Variants in PRDM14 observed in about 807,000 individuals in gnomAD.
PRDM14 encodes the protein PR domain zinc finger protein 14.
PRDM14 carries 16 observed loss-of-function variants against 48.0 expected under a neutral mutation model. The observed-to-expected ratio is 0.33, with a 90% CI of 0.23 to 0.51. The LOEUF (loss-of-function observed/expected upper bound fraction) is 0.51, where lower values mean the gene tolerates loss of function less well. Ranked by LOEUF, PRDM14 falls within the 20% of genes least tolerant of loss-of-function variation. The probability of loss-of-function intolerance (pLI) is 0.97; values close to 1 mark genes in which losing one functional copy is unlikely to be tolerated. For synonymous variants in PRDM14, 264 were observed against 276.6 expected (o/e 0.95, Z 0.45); for missense variants, 566 against 719.6 (o/e 0.79, Z 2.44).
At chr8:70,066,916 G>C (rs1016785658) in intron 4 of PRDM14, among the ~76,000 whole-genome samples, 12 of 152,032 alleles carry the variant, frequency 7.9e-5, no homozygotes, top group Non-Finnish European at 2.9e-5. Context: ...ATTTTTTGTA[G>C]AGACAGGGCC....
At chr8:70,066,117 G>T (rs190549160) in intron 5 of PRDM14, 118 bp downstream of exon 5, 66 of 1,130,622 alleles carry the variant, frequency 5.8e-5, no homozygotes, top group Non-Finnish European at 8.3e-5. Flanking sequence ...AGACACTCTC[G>T]GTTAGTCCTC....
chr8:70,054,870 AGT>A (rs1805446903), intron 7 of PRDM14, among the ~76,000 whole-genome samples: 1 of 145,876 alleles, frequency 6.9e-6, no homozygotes, highest in African/African-American at 2.6e-5. Context: ...CCCAGGCTGG[AGT>A]GTGCAGTGGT....
At chr8:70,054,641 C>T (rs1184590080) in intron 7 of PRDM14, among the ~76,000 whole-genome samples, 1 of 148,806 alleles carries the variant, frequency 6.7e-6, no homozygotes. Flanking sequence ...GCCTCAGCCT[C>T]CCAAGTAGCT....
intron 5 of PRDM14, among the ~76,000 whole-genome samples, chr8:70,065,383 T>C (rs1163004106): frequency 1.3e-5 from 2 of 152,164 alleles, no homozygotes; most frequent in Admixed American, 6.6e-5. Flanking sequence ...TCAGTGTATA[T>C]AGAAATCACT....
chr8:70,055,309 A>G lies in PRDM14; in HGVS notation c.1479T>C (p.Tyr493=). 6.3e-7 allele frequency: 1 copy of G among 1,589,858 alleles called. No individual in the cohort carries two copies. The highest frequency in any genetic ancestry group is 8.6e-7 in the Non-Finnish European group (1 of 1,158,186). The change falls in exon 7 of 8, where the codon TAT becomes TAC. Residue 493 remains tyrosine, a synonymous_variant. Transcript: ENST00000276594. ...HSGDRPYQCV[Y]CTKRFTASSI... ...AAGAGGTTCCATTTACCTTAGTACAATACACACACTGGTATGGTCTGTCTC... is the reference window on the plus strand; with the variant it reads ...AAGAGGTTCCATTTACCTTAGTACAGTACACACACTGGTATGGTCTGTCTC...
chr8:70,056,125 C>A (rs968419388), intron 6 of PRDM14, among the ~76,000 whole-genome samples: 1 of 152,204 alleles, frequency 6.6e-6, no homozygotes, highest in Non-Finnish European at 1.5e-5. Context: ...TGTAAGCCAA[C>A]ATGGTAATGC....
rs1344977461 is a variant in PRDM14 at position 70,052,020 on chromosome 8, C to T, written c.*57G>A. 9.7e-6 allele frequency: 12 copies of T among 1,240,776 alleles called. No individual in the cohort carries two copies. The highest frequency in any genetic ancestry group is 6.9e-6 in the Non-Finnish European group (6 of 868,830). The allele number at this position is 1,240,776 out of a possible 1,614,324, so 76.9% of individuals were successfully genotyped here. On this transcript the variant is annotated 3_prime_UTR_variant, in exon 8 of 8. Coordinates refer to ENST00000276594, the MANE Select transcript of PRDM14 (RefSeq NM_024504.4). Reference sequence around the variant, plus strand: ...AACTCCTGGACTTGAGTGATCCACCCACCTCTGCCTCCCAAAGTGCTGGGA... The same window carrying T: ...AACTCCTGGACTTGAGTGATCCACCTACCTCTGCCTCCCAAAGTGCTGGGA...
chr8:70,057,756 C>T (rs911510163), intron 6 of PRDM14, among the ~76,000 whole-genome samples: 4 of 152,144 alleles, frequency 2.6e-5, no homozygotes, highest in African/African-American at 9.7e-5. Context: ...CCTTCACCGT[C>T]CTGATATTTT....
chr8:70,059,831 C>T (rs1425422517), intron 5 of PRDM14, among the ~76,000 whole-genome samples: 3 of 152,132 alleles, frequency 2.0e-5, no homozygotes, highest in South Asian at 2.1e-4. Flanking sequence ...AAGTGGCTCA[C>T]GCCTATAATC....
Position 70,069,341 on chromosome 8 carries a change from G to A in PRDM14, c.520C>T (p.Pro174Ser). 1 of 1,611,904 alleles carries A rather than the reference G, an allele frequency of 6.2e-7. No individual in the cohort carries two copies. Among genetic ancestry groups the A allele is most frequent in the Non-Finnish European group, 8.5e-7 (1 of 1,178,906 alleles). The change falls in exon 2 of 8, where the codon CCC becomes TCC. Residue 174 changes from proline (P) to serine (S), a missense_variant. Physicochemically the swap from Pro to Ser is moderately conservative, Grantham distance 74. Coordinates refer to ENST00000276594, the MANE Select transcript of PRDM14 (RefSeq NM_024504.4). ...LRTSQLLPCSPSKQSEDGPKP... is the reference protein window; with the variant it reads ...LRTSQLLPCSSSKQSEDGPKP... The stretch of plus-strand genomic sequence containing the variant: ...GGACCATCCTCTGACTGCTTGCTGG[G>A]TGAGCAAGGTAATAACTGGGAGGTC...
intron 1 of PRDM14, 128 bp from the exon 2 acceptor site, chr8:70,070,012 T>C (rs1462722493): frequency 3.4e-6 from 2 of 584,678 alleles, no homozygotes; most frequent in Middle Eastern, 4.4e-4. Flanking sequence ...ACGCCCCCAG[T>C]CCGATCCCGC....
At position 70,069,390 on chromosome 8, in the gene PRDM14, A is replaced by C. The variant is rs542371098; in HGVS notation, c.471T>G (p.Ala157=). ...TCCTCAGCCCCTCAGGTAACAGAGA[A>C]GCATCCGCAGGGGGCGGTGGAATTA... ...DTLIPPPPAD[A]SLLPEGLRTS... The change falls in exon 2 of 8, where the codon GCT becomes GCG. Residue 157 remains alanine, a synonymous_variant. Transcript: ENST00000276594. 1.9e-5 allele frequency: 30 copies of C among 1,610,828 alleles called. No homozygotes were observed. The highest frequency in any genetic ancestry group is 2.5e-5 in the Non-Finnish European group (30 of 1,178,314).
At position 70,068,522 on chromosome 8, in the gene PRDM14, A is replaced by C; in HGVS notation, c.711T>G (p.Ser237=). The C allele has an allele frequency of 6.2e-7, 1 of 1,614,174 alleles. No homozygotes were observed. Among genetic ancestry groups the C allele is most frequent in the Admixed American group, 1.7e-5 (1 of 60,030 alleles). Residue 237 remains serine (S), a synonymous_variant, in exon 3 of 8, where the codon TCT becomes TCG. Transcript: ENST00000276594. The part of the protein sequence containing the change: ...LVPPDSSGSD[S]LPQTLDKDSL... Reference sequence around the variant, plus strand: ...AGTCTTTATCCAGAGTTTGAGGAAGAGAATCAGATCCTAGCAAAAGGCAGG... The same window carrying C: ...AGTCTTTATCCAGAGTTTGAGGAAGCGAATCAGATCCTAGCAAAAGGCAGG...
At chr8:70,061,519 A>G (rs1805580989) in intron 5 of PRDM14, among the ~76,000 whole-genome samples, 1 of 152,120 alleles carries the variant, frequency 6.6e-6, no homozygotes, top group Non-Finnish European at 1.5e-5. Context: ...TGCTCTGTCT[A>G]TCACTTTCAT....
intron 6 of PRDM14, among the ~76,000 whole-genome samples, chr8:70,057,095 A>G (rs1805487255): frequency 6.6e-6 from 1 of 151,570 alleles, no homozygotes; most frequent in Non-Finnish European, 1.5e-5. Flanking sequence ...CCTCCCGAGT[A>G]GGTGGGACTA....
At chr8:70,066,017 G>A (rs1397410541) in intron 5 of PRDM14, among the ~76,000 whole-genome samples, 3 of 152,128 alleles carry the variant, frequency 2.0e-5, no homozygotes, top group African/African-American at 7.2e-5. Flanking sequence ...TTATAAATAG[G>A]AGTATATATC....
rs759371632 is a variant in PRDM14, at chr8:70,066,294, T to C, written c.1124A>G (p.Asp375Gly). The C allele has an allele frequency of 1.9e-6, 3 of 1,614,110 alleles. No homozygotes were observed. The highest frequency in any genetic ancestry group is 4.5e-5 in the East Asian group (2 of 44,870). Residue 375 changes from aspartate to glycine, a missense_variant, in exon 5 of 8, where the codon GAT (aspartate) becomes GGT (glycine). By Grantham distance (94) the Asp-to-Gly change is moderately conservative (BLOSUM62 -1). This residue lies in a region of PRDM14 where 126 missense variants were observed against 271.6 expected (regional missense o/e 0.46). Coordinates refer to ENST00000276594, the MANE Select transcript of PRDM14 (RefSeq NM_024504.4). ...WYGDCYEKFL[D>G]IPVSLQVTEP... is the part of the protein sequence containing the mutation. The stretch of plus-strand genomic sequence containing the variant: ...TGTGACCTGAAGGCTCACAGGAATA[T>C]CCAGAAATTTCTCATAGCAGTCTCC...
chr8:70,059,834 C>G (rs1449060610), intron 5 of PRDM14, among the ~76,000 whole-genome samples: 1 of 152,110 alleles, frequency 6.6e-6, no homozygotes, highest in Non-Finnish European at 1.5e-5. Context: ...TGGCTCACGC[C>G]TATAATCCCA....
chr8:70,069,721 T>C lies in PRDM14; in HGVS notation c.140A>G (p.Glu47Gly), dbSNP rs750649676. The stretch of plus-strand genomic sequence containing the variant: ...CTGCCGGAAAGGTTGGAAGTCTTCC[T>C]CCACGGTGGCCAGGCTGTTTCTGTA... ...GHYRNSLATV[E>G]EDFQPFRQLE... Residue 47 changes from glutamate (E) to glycine (G), a missense_variant, in exon 2 of 8, where the codon GAG becomes GGG. Physicochemically the swap from Glu to Gly is moderately conservative, Grantham distance 98. Coordinates refer to ENST00000276594, the MANE Select transcript of PRDM14 (RefSeq NM_024504.4). The C allele has an allele frequency of 6.3e-7, 1 of 1,585,008 alleles. No individual in the cohort carries two copies. Among genetic ancestry groups the C allele is most frequent in the Non-Finnish European group, 8.6e-7 (1 of 1,165,342 alleles).
Sources: allele counts gnomAD v4.1 joint callset (sites outside exome capture counted in the v4.1 genomes callset), GRCh38; gene constraint gnomAD v4.1.1; regional missense constraint gnomAD v4.1.1; transcripts MANE v1.5; gene names NCBI Gene and HGNC (gene_info 2026-07-23, HGNC 2026-07-21).